The following AGMO variants were observed in gnomAD, a reference collection of about 807,000 sequenced individuals.
The protein encoded by AGMO is glyceryl-ether monooxygenase.
AGMO carries 75 observed loss-of-function variants against 60.2 expected under a neutral mutation model. The ratio of observed to expected loss-of-function variants is 1.25; its 90% CI spans 1.03 to 1.51. The LOEUF (loss-of-function observed/expected upper bound fraction) is 1.51, where lower values mean the gene tolerates loss of function less well. Among genes scored for constraint, AGMO ranks in the 40% most tolerant of loss-of-function variants. The probability of loss-of-function intolerance (pLI) is 0.00; values close to 1 mark genes in which losing one functional copy is unlikely to be tolerated. For synonymous variants in AGMO, 261 were observed against 177.1 expected (o/e 1.47, Z -3.76); for missense variants, 763 against 525.5 (o/e 1.45, Z -4.42).
At chr7:15,175,916 T>C in the AGMO span, among the ~76,000 whole-genome samples, 2 of 151,814 alleles carry the variant, frequency 1.3e-5, no homozygotes, top group African/African-American at 4.8e-5. Context: ...ATCCATTGAG[T>C]TTTACTAAAC....
chr7:15,521,632 T>G (rs1562550240), intron 3 of AGMO, among the ~76,000 whole-genome samples: 1 of 152,160 alleles, frequency 6.6e-6, no homozygotes, highest in South Asian at 2.1e-4. Context: ...AAAAAGCCTT[T>G]GATAAAATTC....
intron 3 of AGMO, among the ~76,000 whole-genome samples, chr7:15,502,940 T>C (rs572533260): frequency 6.6e-6 from 1 of 151,960 alleles, no homozygotes; most frequent in Non-Finnish European, 1.5e-5. Flanking sequence ...CTTAGGGACA[T>C]AGAACGATAA....
At chr7:15,365,427 ATG>A in intron 12 of AGMO, 85 bp downstream of exon 12, 1 of 684,720 alleles carries the variant, frequency 1.5e-6, no homozygotes, top group Non-Finnish European at 2.4e-6. Flanking sequence ...CTGGTCAGAA[ATG>A]AAGTAGAGAA....
chr7:15,469,542 G>T (rs140096625), intron 3 of AGMO, among the ~76,000 whole-genome samples: 2 of 152,112 alleles, frequency 1.3e-5, no homozygotes, highest in Admixed American at 6.6e-5. Context: ...GGTCAGCTGT[G>T]TTCCTCACGC....
At chr7:15,178,290 T>C in the AGMO span, among the ~76,000 whole-genome samples, 24 of 152,332 alleles carry the variant, frequency 1.6e-4, no homozygotes, top group Middle Eastern at 6.8e-3. Context: ...ACTGACTTCA[T>C]TGATAGATTG....
intron 4 of AGMO, among the ~76,000 whole-genome samples, chr7:15,424,499 C>G (rs948653999): frequency 2.0e-5 from 3 of 152,268 alleles, no homozygotes; most frequent in African/African-American, 7.2e-5. Flanking sequence ...ACTATCAAAT[C>G]TCTGTAAAGA....
chr7:15,256,590 C>G (rs1222743303), intron 12 of AGMO, among the ~76,000 whole-genome samples: 1 of 152,146 alleles, frequency 6.6e-6, no homozygotes, highest in Non-Finnish European at 1.5e-5. Flanking sequence ...TCTAGATCTC[C>G]TGACCTCGTG....
intron 12 of AGMO, among the ~76,000 whole-genome samples, chr7:15,202,336 G>A (rs989045300): frequency 5.3e-5 from 8 of 151,672 alleles, no homozygotes; most frequent in Non-Finnish European, 1.0e-4. Flanking sequence ...GAACTCCGGT[G>A]AAGTCAAGAC....
the AGMO span, among the ~76,000 whole-genome samples, chr7:15,153,607 C>T: frequency 5.3e-5 from 8 of 152,018 alleles, no homozygotes; most frequent in African/African-American, 1.9e-4. Flanking sequence ...GTGTCCTTTC[C>T]CCATTTTATG....
intron 12 of AGMO, among the ~76,000 whole-genome samples, chr7:15,328,271 A>AT (rs1781405818): frequency 6.6e-6 from 1 of 151,568 alleles, no homozygotes; most frequent in Non-Finnish European, 1.5e-5. Context: ...CTAGTTTTGT[A>AT]TTTTTAGTAG....
chr7:15,255,507 G>A (rs1387017763), intron 12 of AGMO, among the ~76,000 whole-genome samples: 10 of 139,642 alleles, frequency 7.2e-5, no homozygotes, highest in African/African-American at 2.7e-4. Context: ...GGCCAGCATT[G>A]CCTGTCTCCA....
chr7:15,280,133 G>T (rs1783921815), intron 12 of AGMO, among the ~76,000 whole-genome samples: 1 of 152,174 alleles, frequency 6.6e-6, no homozygotes. Flanking sequence ...CAGGTTTGCA[G>T]GTGGACTGGG....
chr7:15,547,377 G>T (rs1252465121), intron 2 of AGMO, among the ~76,000 whole-genome samples: 2 of 148,364 alleles, frequency 1.3e-5, no homozygotes, highest in African/African-American at 5.3e-5. Context: ...GCAGAAGACG[G>T]GTGATTTCTG....
intron 4 of AGMO, among the ~76,000 whole-genome samples, chr7:15,424,358 A>G (rs1781002983): frequency 6.6e-6 from 1 of 152,170 alleles, no homozygotes; most frequent in South Asian, 2.1e-4. Context: ...TCATAATAAG[A>G]ACAATGACAC....
intron 12 of AGMO, among the ~76,000 whole-genome samples, chr7:15,256,971 T>G (rs1783117462): frequency 6.6e-6 from 1 of 152,194 alleles, no homozygotes; most frequent in Non-Finnish European, 1.5e-5. Context: ...GTGTTCTTCT[T>G]GTAAGCCTCT....
intron 12 of AGMO, chr7:15,306,571 T>TAAA (rs5882493): frequency 1.7e-4 from 64 of 373,326 alleles, no homozygotes; most frequent in African/African-American, 2.7e-4. Context: ...TATGACTGTG[T>TAAA]AAAAAAAAAA....
At chr7:15,323,625 G>A (rs984886932) in intron 12 of AGMO, among the ~76,000 whole-genome samples, 43 of 152,162 alleles carry the variant, frequency 2.8e-4, no homozygotes, top group Admixed American at 4.6e-4. Flanking sequence ...AGAAAATAAC[G>A]CGCTGATTCT....
At position 15,256,266 on chromosome 7, in the gene AGMO, TAAC is replaced by T. The variant is rs373168424; in HGVS notation, c.1264-54910_1264-54908del. On this transcript the variant is annotated intron_variant, in intron 12 of 12. Coordinates refer to ENST00000342526, the MANE Select transcript of AGMO (RefSeq NM_001004320.2). ...TCTCCATGTACAGTCATGTACCACA[TAAC>T]AACATTTCAGTCAATAACAAACCAC... is the stretch of plus-strand genomic sequence containing the variant. Among the ~76,000 whole-genome samples the T allele has an allele frequency of 1.3e-4, 20 of 152,374 alleles. 1 individual carries two copies. In the South Asian group the frequency reaches 3.3e-3, roughly 25 times the overall value.
At chr7:15,527,749 A>G (rs1784163365) in intron 3 of AGMO, among the ~76,000 whole-genome samples, 1 of 152,192 alleles carries the variant, frequency 6.6e-6, no homozygotes, top group Admixed American at 6.5e-5. Flanking sequence ...GGGCTAATAC[A>G]GGTGGTGGCT....
Sources: gnomAD v4.1 joint callset for allele counts (sites outside exome capture counted in the v4.1 genomes callset) on GRCh38, gnomAD v4.1.1 for gene constraint, MANE v1.5 for transcripts, NCBI Gene and HGNC (gene_info 2026-07-23, HGNC 2026-07-21) for gene names.